Variants in LEMD3 observed in about 807,000 individuals in gnomAD.
LEMD3 encodes inner nuclear membrane protein Man1.
In LEMD3, 33 loss-of-function variants were observed where a neutral mutation model predicts 95.2. The observed-to-expected ratio is 0.35, with a 90% CI of 0.26 to 0.46. The LOEUF (loss-of-function observed/expected upper bound fraction) is 0.46, where lower values mean the gene tolerates loss of function less well. LEMD3 is among the 20% of genes least tolerant of loss of function. The probability of loss-of-function intolerance (pLI) is 1.00; values close to 1 mark genes in which losing one functional copy is unlikely to be tolerated. For synonymous variants in LEMD3, 525 were observed against 474.6 expected (o/e 1.11, Z -1.38); for missense variants, 1,210 against 1,192.8 (o/e 1.01, Z -0.21).
intron 9 of LEMD3, among the ~76,000 whole-genome samples, chr12:65,241,948 G>A (rs530520975): frequency 1.6e-4 from 24 of 152,150 alleles, no homozygotes; most frequent in Admixed American, 2.6e-4. Flanking sequence ...ATGGGTTTGA[G>A]TTGATAGGTG....
rs1490438864 is a variant in LEMD3, at chr12:65,170,884, A to G, written c.1288A>G (p.Thr430Ala). The change falls in exon 1 of 13, where the codon ACG (threonine) becomes GCG (alanine). Residue 430 changes from threonine to alanine, a missense_variant. Thr to Ala is a moderately conservative substitution (Grantham distance 58). Coordinates refer to ENST00000308330, the MANE Select transcript of LEMD3 (RefSeq NM_014319.5). ...ACTCAGGATCAATCACGCCAATCAT[A>G]CGGGCTCCAATCATACCTACCTGAA... ...SSLRINHANH[T>A]GSNHTYLKNT... 3 of 1,614,224 alleles carry G rather than the reference A, an allele frequency of 1.9e-6. No individual in the cohort carries two copies. Among genetic ancestry groups the G allele is most frequent in the Non-Finnish European group, 2.5e-6 (3 of 1,180,038 alleles).
At chr12:65,206,101 G>A (rs1333491296) in intron 1 of LEMD3, among the ~76,000 whole-genome samples, 1 of 152,136 alleles carries the variant, frequency 6.6e-6, no homozygotes, top group Non-Finnish European at 1.5e-5. Context: ...CCACACAGGT[G>A]CAGTGTTTTG....
rs761761659 is a variant in LEMD3 at position 65,171,138 on chromosome 12, G to A, written c.1522+20G>A. On this transcript the variant is annotated intron_variant, in intron 1 of 12. Transcript: ENST00000308330. ...TCAGCAGTAAGTATTAAATCCTGTG[G>A]GTAAGGTAACAAAGAGAATGTTGTT... 5.6e-6 allele frequency: 9 copies of A among 1,606,064 alleles called. No individual in the cohort carries two copies. The Admixed American group carries it at 1.3e-4, about 24-fold the overall frequency.
intron 1 of LEMD3, 74 bp downstream of exon 1, chr12:65,171,192 T>G (rs1252075198): frequency 6.3e-7 from 1 of 1,595,344 alleles, no homozygotes; most frequent in Admixed American, 1.7e-5. Context: ...CGCTTAGCGT[T>G]TTACATGAAG....
chr12:65,178,473 T>C (rs1022597382), intron 1 of LEMD3, among the ~76,000 whole-genome samples: 2 of 152,208 alleles, frequency 1.3e-5, no homozygotes, highest in East Asian at 3.9e-4. Context: ...GCCCTTCCAC[T>C]TACTAGCTTT....
chr12:65,173,281 A>G (rs1468258843), intron 1 of LEMD3, among the ~76,000 whole-genome samples: 1 of 152,240 alleles, frequency 6.6e-6, no homozygotes, highest in Non-Finnish European at 1.5e-5. Flanking sequence ...TGACTTTCAC[A>G]TCTTTCTCAT....
At chr12:65,213,983 A>G (rs774510038) in intron 2 of LEMD3, among the ~76,000 whole-genome samples, 3 of 152,128 alleles carry the variant, frequency 2.0e-5, no homozygotes, top group Non-Finnish European at 4.4e-5. Context: ...TACTCATCCT[A>G]TTATGTTGAA....
intron 4 of LEMD3, among the ~76,000 whole-genome samples, chr12:65,230,447 G>A (rs1870587938): frequency 6.6e-6 from 1 of 151,292 alleles, no homozygotes; most frequent in Non-Finnish European, 1.5e-5. Flanking sequence ...GGTGTTTTAT[G>A]GTTTTTTTTT....
At chr12:65,211,935 T>C (rs534198215) in intron 2 of LEMD3, among the ~76,000 whole-genome samples, 12 of 152,210 alleles carry the variant, frequency 7.9e-5, no homozygotes, top group Non-Finnish European at 1.6e-4. Flanking sequence ...TTACTTATAT[T>C]AAATGCTCAT....
Position 65,170,372 on chromosome 12 carries a change from C to T in LEMD3, c.776C>T (p.Ser259Leu), listed in dbSNP as rs762730876. ...CCCTACAGCTGCCGGGAAAACTATTCGGACTCAGAGGAAGAGGACGACGAC... is the reference window on the plus strand; with the variant it reads ...CCCTACAGCTGCCGGGAAAACTATTTGGACTCAGAGGAAGAGGACGACGAC... ...LVPYSCRENYSDSEEEDDDDV... is the reference protein window; with the variant it reads ...LVPYSCRENYLDSEEEDDDDV... The change falls in exon 1 of 13, where the codon TCG becomes TTG. Residue 259 changes from serine to leucine, a missense_variant. Ser to Leu is a moderately radical substitution (Grantham distance 145). Coordinates refer to ENST00000308330, the MANE Select transcript of LEMD3 (RefSeq NM_014319.5). 6.2e-7 allele frequency: 1 copy of T among 1,613,408 alleles called. No individual in the cohort carries two copies. Among genetic ancestry groups the T allele is most frequent in the Non-Finnish European group, 8.5e-7 (1 of 1,179,682 alleles).
At chr12:65,194,283 G>C (rs150400690) in intron 1 of LEMD3, among the ~76,000 whole-genome samples, 1 of 152,248 alleles carries the variant, frequency 6.6e-6, no homozygotes, top group Admixed American at 6.5e-5. Context: ...AGATAGAGCT[G>C]ATTTATCAAG....
chr12:65,223,137 T>G (rs538667814), intron 4 of LEMD3, among the ~76,000 whole-genome samples: 89 of 152,230 alleles, frequency 5.8e-4, no homozygotes, highest in South Asian at 1.5e-3. Context: ...TTCTGTATAT[T>G]TCTGTTAGAT....
chr12:65,192,850 A>G (rs78691095), intron 1 of LEMD3, among the ~76,000 whole-genome samples: 6,443 of 152,274 alleles, frequency 0.042, 195 homozygotes, highest in Middle Eastern at 0.061. Flanking sequence ...CAAAACTCCA[A>G]TAGTGTAAGT....
chr12:65,192,568 C>T (rs1044444695), intron 1 of LEMD3, among the ~76,000 whole-genome samples: 7 of 152,002 alleles, frequency 4.6e-5, no homozygotes, highest in African/African-American at 7.3e-5. Context: ...GTCTTACTTT[C>T]CTCCATACAG....
chr12:65,173,236 A>G (rs1592427072), intron 1 of LEMD3, among the ~76,000 whole-genome samples: 1 of 152,322 alleles, frequency 6.6e-6, no homozygotes, highest in East Asian at 1.9e-4. Context: ...AGGATTTCAT[A>G]CAGAATTATT....
At chr12:65,239,453 T>G (rs1870867544) in intron 6 of LEMD3, among the ~76,000 whole-genome samples, 1 of 151,892 alleles carries the variant, frequency 6.6e-6, no homozygotes, top group Non-Finnish European at 1.5e-5. Flanking sequence ...GAAGCTGAGG[T>G]AGGAGGATTT....
intron 1 of LEMD3, among the ~76,000 whole-genome samples, chr12:65,189,365 C>T (rs957541730): frequency 6.6e-6 from 1 of 152,176 alleles, no homozygotes; most frequent in Middle Eastern, 3.2e-3. Context: ...ACCATAAACT[C>T]ACTCTCTGTG....
At chr12:65,218,338 GTTTGTTTATATTCTTACTGGAATTTC>G (rs1306343232) in intron 3 of LEMD3, among the ~76,000 whole-genome samples, 188 bp from the exon 4 acceptor site, 38 of 152,114 alleles carry the variant, frequency 2.5e-4, no homozygotes, top group African/African-American at 9.2e-4. Flanking sequence ...AATGGTAGTT[GTTTGTTTATATTCTTACTGGAATTTC>G]TTTGTTTATA....
At chr12:65,182,683 T>G (rs1868942490) in intron 1 of LEMD3, among the ~76,000 whole-genome samples, 1 of 152,164 alleles carries the variant, frequency 6.6e-6, no homozygotes, top group African/African-American at 2.4e-5. Flanking sequence ...GCCTTGCTGA[T>G]CACTAAAAGG....
Sources: gnomAD v4.1 joint callset for allele counts (sites outside exome capture counted in the v4.1 genomes callset) on GRCh38, gnomAD v4.1.1 for gene constraint, MANE v1.5 for transcripts, NCBI Gene and HGNC (gene_info 2026-07-23, HGNC 2026-07-21) for gene names.